RBFOX1: variants seen among roughly 807,000 people sequenced by gnomAD.
The protein encoded by RBFOX1 is RNA binding fox-1 homolog 1.
Under a neutral mutation model 57.7 loss-of-function variants are expected in RBFOX1, and 8 were observed. The observed-to-expected ratio is 0.14, with a 90% confidence interval of 0.08 to 0.25. The LOEUF (loss-of-function observed/expected upper bound fraction) is 0.25, where lower values mean the gene tolerates loss of function less well. Ranked by LOEUF, RBFOX1 falls within the 10% of genes least tolerant of loss-of-function variation. The pLI is 1.00. For synonymous variants in RBFOX1, 326 were observed against 222.4 expected, an observed-to-expected ratio of 1.47 and a Z score of -4.15; for missense variants, 611 against 548.5, an observed-to-expected ratio of 1.11 and a Z score of -1.14.
chr16:5,611,454 C>A (rs901913392), intron 3 of RBFOX1: 61 of 152,200 alleles, frequency 4.0e-4, no homozygotes, highest in African/African-American at 1.5e-3. Flanking sequence ...ACTTGGTGGA[C>A]CTGCCTCCCT....
intron 4 of RBFOX1, among the ~76,000 whole-genome samples, chr16:7,101,313 G>T (rs536692551): frequency 1.3e-5 from 2 of 152,138 alleles, no homozygotes; most frequent in Non-Finnish European, 2.9e-5. Flanking sequence ...ACACCATTGC[G>T]CTTGGAGAAA....
chr16:6,274,303 T>C (rs746527663), intron 1 of RBFOX1, among the ~76,000 whole-genome samples: 1 of 152,148 alleles, frequency 6.6e-6, no homozygotes, highest in Admixed American at 6.6e-5. Flanking sequence ...AGCCTACATA[T>C]ATTTCACTGG....
intron 4 of RBFOX1, among the ~76,000 whole-genome samples, chr16:7,317,059 G>C (rs954798517): frequency 2.0e-5 from 3 of 151,870 alleles, no homozygotes; most frequent in Non-Finnish European, 2.9e-5. Context: ...ACAAAGGCCA[G>C]TTTGGCTTTT....
At chr16:5,707,755 G>A (rs1031477397) in intron 3 of RBFOX1, among the ~76,000 whole-genome samples, 1 of 152,102 alleles carries the variant, frequency 6.6e-6, no homozygotes, top group Non-Finnish European at 1.5e-5. Context: ...GGTTCCTTGG[G>A]GATTAGGAAA....
At chr16:6,896,947 A>G (rs1368498634) in intron 3 of RBFOX1, among the ~76,000 whole-genome samples, 1 of 152,178 alleles carries the variant, frequency 6.6e-6, no homozygotes, top group Non-Finnish European at 1.5e-5. Flanking sequence ...ACTCTGCCAC[A>G]ACTCAGAATG....
chr16:6,086,439 A>C (rs1370189415), intron 1 of RBFOX1, among the ~76,000 whole-genome samples: 1 of 152,172 alleles, frequency 6.6e-6, no homozygotes, highest in Non-Finnish European at 1.5e-5. Flanking sequence ...TCGGTGGTAA[A>C]GTCCTTTCAC....
intron 4 of RBFOX1, among the ~76,000 whole-genome samples, chr16:7,314,296 C>T (rs934756138): frequency 6.6e-6 from 1 of 152,176 alleles, no homozygotes; most frequent in South Asian, 2.1e-4. Context: ...CGCACCACTG[C>T]TTTTGTTCAC....
chr16:6,563,097 C>G (rs1010212488), intron 2 of RBFOX1, among the ~76,000 whole-genome samples: 1 of 152,020 alleles, frequency 6.6e-6, no homozygotes, highest in Non-Finnish European at 1.5e-5. Context: ...CTTCCAAGTG[C>G]TGTTTCCCCA....
At chr16:5,766,505 A>AGGTGAAGAGTTCGAG (rs2053784081) in intron 3 of RBFOX1, among the ~76,000 whole-genome samples, 1 of 152,138 alleles carries the variant, frequency 6.6e-6, no homozygotes, top group African/African-American at 2.4e-5. Context: ...GAATTGCTTG[A>AGGTGAAGAGTTCGAG]ATCCGGGAGG....
At chr16:5,921,669 T>C (rs534389441) in intron 4 of RBFOX1, among the ~76,000 whole-genome samples, 1 of 152,262 alleles carries the variant, frequency 6.6e-6, no homozygotes, top group South Asian at 2.1e-4. Context: ...GGGTAATTTA[T>C]AAAGAAAAGA....
intron 2 of RBFOX1, among the ~76,000 whole-genome samples, chr16:5,585,657 C>T (rs1388500298): frequency 6.6e-6 from 1 of 152,210 alleles, no homozygotes; most frequent in African/African-American, 2.4e-5. Context: ...TACCCTACCA[C>T]GTTATGGGGT....
intron 4 of RBFOX1, among the ~76,000 whole-genome samples, chr16:7,298,285 GT>G (rs201092743): frequency 0.044 from 4,283 of 96,542 alleles, 113 homozygotes; most frequent in East Asian, 0.19. Flanking sequence ...GTTTTTTTTT[GT>G]TTTTTTTTTT....
chr16:5,687,684 G>C (rs2151450932), intron 3 of RBFOX1, among the ~76,000 whole-genome samples: 1 of 152,260 alleles, frequency 6.6e-6, no homozygotes, highest in South Asian at 2.1e-4. Flanking sequence ...GCCTGATACT[G>C]TCTCAGCTTT....
chr16:5,976,369 A>C (rs2152304858), intron 4 of RBFOX1, among the ~76,000 whole-genome samples: 1 of 152,276 alleles, frequency 6.6e-6, no homozygotes, highest in African/African-American at 2.4e-5. Flanking sequence ...AAAATGTTAC[A>C]TAATGTGTTT....
At chr16:5,725,587 A>C (rs747848845) in intron 3 of RBFOX1, among the ~76,000 whole-genome samples, 2 of 151,418 alleles carry the variant, frequency 1.3e-5, no homozygotes, top group Non-Finnish European at 2.9e-5. Flanking sequence ...TGTTTCTATC[A>C]CCAAGGCTCT....
intron 3 of RBFOX1, among the ~76,000 whole-genome samples, chr16:5,864,481 C>T (rs1393103885): frequency 6.6e-6 from 1 of 150,750 alleles, no homozygotes; most frequent in African/African-American, 2.4e-5. Flanking sequence ...TCCTTTGATA[C>T]ATTTTTCACA....
At chr16:6,937,041 A>G (rs1021351755) in intron 3 of RBFOX1, among the ~76,000 whole-genome samples, 9 of 152,030 alleles carry the variant, frequency 5.9e-5, no homozygotes, top group African/African-American at 2.2e-4. Flanking sequence ...ATGTATACGT[A>G]TGTAACTAAC....
In RBFOX1 at chr16:6,019,368, T is replaced by A; in HGVS notation, c.-751T>A. 1.0e-6 allele frequency: 1 copy of A among 985,470 alleles called. No individual in the cohort carries two copies. The allele number at this position is 985,470 out of a possible 1,614,324, so 61.0% of individuals were successfully genotyped here. A position where few individuals can be genotyped will look rare whatever the true frequency, so the allele number is the denominator to read the frequency against. On this transcript the variant is annotated 5_prime_UTR_variant, in exon 1 of 16. Transcript: ENST00000550418. This position sits in a 1 kb window ranked among gnomAD's most constrained non-coding sequence, Gnocchi z 4.2. ...TCCAGCCAGAGTCGGTGGGACTGGC[T>A]GCGCTGCCCTGAAGTGGTTCTCCAA...
At chr16:6,827,102 A>G (rs1237978947) in intron 3 of RBFOX1, among the ~76,000 whole-genome samples, 1 of 152,198 alleles carries the variant, frequency 6.6e-6, no homozygotes, top group Non-Finnish European at 1.5e-5. Context: ...CGAGTCTCTT[A>G]GTGTCCTTTA....
Sources: allele counts gnomAD v4.1 joint callset (sites outside exome capture counted in the v4.1 genomes callset), GRCh38; gene constraint gnomAD v4.1.1; non-coding constraint Gnocchi (gnomAD v3.1); transcripts MANE v1.5; gene names NCBI Gene and HGNC (gene_info 2026-07-23, HGNC 2026-07-21).